The following OTUD7A variants were observed in gnomAD, a reference collection of about 807,000 sequenced individuals.
OTUD7A encodes OTU domain-containing protein 7A.
A neutral mutation model predicts 65.7 loss-of-function variants in OTUD7A; 12 were observed. The observed-to-expected ratio is 0.18, with a 90% CI of 0.12 to 0.30. The LOEUF (loss-of-function observed/expected upper bound fraction) is 0.30. Among genes scored for constraint, OTUD7A ranks in the 10% least tolerant of loss-of-function variants. The probability of loss-of-function intolerance (pLI) is 1.00; values close to 1 mark genes in which losing one functional copy is unlikely to be tolerated. For missense variants in OTUD7A, 1,148 were observed against 1,304.8 expected (o/e 0.88, Z 1.85); for synonymous variants, 641 against 586.3 (o/e 1.09, Z -1.35).
intron 3 of OTUD7A, among the ~76,000 whole-genome samples, chr15:31,651,594 C>G (rs1055741349): frequency 2.0e-5 from 3 of 151,452 alleles, no homozygotes; most frequent in African/African-American, 7.3e-5. Flanking sequence ...CACACACACA[C>G]ACACACACAC....
At chr15:31,570,258 G>C in intron 3 of OTUD7A, 61 bp from the exon 4 acceptor site, 1 of 1,537,292 alleles carries the variant, frequency 6.5e-7, no homozygotes, top group Non-Finnish European at 8.9e-7. Flanking sequence ...TCTCATCATA[G>C]AGAAGAACTG....
rs185545632 is a variant in OTUD7A at position 31,670,767 on chromosome 15, G to A, written c.-99-13690C>T. On this transcript the variant is annotated intron_variant, in intron 1 of 12. Coordinates refer to ENST00000307050, the MANE Select transcript of OTUD7A (RefSeq NM_001382637.1). ...AGCACTTTGGGAGGCCGAAGCGGGCGGATCACGAGGTCAGGAGATCAAGAC... is the reference window on the plus strand; with the variant it reads ...AGCACTTTGGGAGGCCGAAGCGGGCAGATCACGAGGTCAGGAGATCAAGAC... Among the ~76,000 whole-genome samples the A allele has an allele frequency of 1.4e-3, 210 of 152,186 alleles. No homozygotes were observed. In the Middle Eastern group the frequency reaches 0.017, roughly 12 times the overall value.
At chr15:31,748,657 C>T (rs1894545633) in intron 1 of OTUD7A, among the ~76,000 whole-genome samples, 1 of 151,932 alleles carries the variant, frequency 6.6e-6, no homozygotes, top group Non-Finnish European at 1.5e-5. Context: ...CATTGAAAAC[C>T]ATTAGGCAGT....
intron 3 of OTUD7A, among the ~76,000 whole-genome samples, chr15:31,590,091 G>A (rs907201904): frequency 6.6e-6 from 1 of 152,160 alleles, no homozygotes; most frequent in Non-Finnish European, 1.5e-5. Context: ...ATTCTCACAA[G>A]AGTATAGTGG....
At chr15:31,842,906 C>A (rs1489743361) in intron 1 of OTUD7A, among the ~76,000 whole-genome samples, 1 of 152,114 alleles carries the variant, frequency 6.6e-6, no homozygotes, top group Non-Finnish European at 1.5e-5. Context: ...GTGTGACATG[C>A]ATCCTAATTA....
At chr15:31,760,936 G>A (rs557609221) in intron 1 of OTUD7A, among the ~76,000 whole-genome samples, 1 of 151,300 alleles carries the variant, frequency 6.6e-6, no homozygotes, top group Non-Finnish European at 1.5e-5. Context: ...TTGTTTTTTT[G>A]TTTTTTTAAC....
At chr15:31,755,498 G>A (rs1894786485) in intron 1 of OTUD7A, among the ~76,000 whole-genome samples, 1 of 152,234 alleles carries the variant, frequency 6.6e-6, no homozygotes, top group African/African-American at 2.4e-5. Flanking sequence ...GAGGTGGGTG[G>A]ATCACGAGGT....
At chr15:31,788,763 G>A (rs1337751227) in intron 1 of OTUD7A, among the ~76,000 whole-genome samples, 1 of 152,208 alleles carries the variant, frequency 6.6e-6, no homozygotes, top group Non-Finnish European at 1.5e-5. Context: ...CAGAGACATT[G>A]AGAAAGGTAC....
chr15:31,859,593 G>A (rs887355626), intron 1 of OTUD7A, among the ~76,000 whole-genome samples: 1 of 152,200 alleles, frequency 6.6e-6, no homozygotes, highest in African/African-American at 2.4e-5. Flanking sequence ...AAGAAGAGAA[G>A]AGGAACTCAT....
At chr15:31,802,395 G>C (rs1010492844) in intron 1 of OTUD7A, among the ~76,000 whole-genome samples, 2 of 152,110 alleles carry the variant, frequency 1.3e-5, no homozygotes, top group Non-Finnish European at 2.9e-5. Flanking sequence ...CAGCTGATTA[G>C]ATTGTGCCCA....
chr15:31,505,748 A>ATT (rs58989170), intron 8 of OTUD7A, among the ~76,000 whole-genome samples: 2 of 145,386 alleles, frequency 1.4e-5, no homozygotes, highest in African/African-American at 2.5e-5. Flanking sequence ...ATTGAAGTTA[A>ATT]TTTTTTTTTT....
chr15:31,508,569 G>A (rs1176959726), intron 8 of OTUD7A, among the ~76,000 whole-genome samples: 1 of 152,194 alleles, frequency 6.6e-6, no homozygotes, highest in African/African-American at 2.4e-5. Context: ...AGCCAGGATG[G>A]TCTTGATCTC....
intron 3 of OTUD7A, 70 bp from the exon 4 acceptor site, chr15:31,570,267 T>C (rs1411488068): frequency 4.0e-6 from 6 of 1,518,152 alleles, no homozygotes; most frequent in Non-Finnish European, 5.4e-6. Context: ...AGAGAAGAAC[T>C]GTGACAAGAA....
intron 1 of OTUD7A, among the ~76,000 whole-genome samples, chr15:31,847,645 A>AT (rs1269015976): frequency 6.6e-6 from 1 of 152,150 alleles, no homozygotes; most frequent in Non-Finnish European, 1.5e-5. Flanking sequence ...GAAAATCACT[A>AT]TTACCATGGA....
intron 8 of OTUD7A, among the ~76,000 whole-genome samples, chr15:31,511,196 ATG>A (rs1455086360): frequency 2.0e-4 from 1 of 5,078 alleles, no homozygotes; most frequent in Non-Finnish European, 2.9e-4. Context: ...TAACACACAT[ATG>A]TATATCTATA....
intron 1 of OTUD7A, among the ~76,000 whole-genome samples, chr15:31,682,448 AAGTT>A (rs1427891274): frequency 2.0e-5 from 3 of 152,026 alleles, no homozygotes. Context: ...AAAAAGAAAA[AAGTT>A]AGAGGACTCG....
At chr15:31,577,577 T>C (rs1303382209) in intron 3 of OTUD7A, among the ~76,000 whole-genome samples, 1 of 152,130 alleles carries the variant, frequency 6.6e-6, no homozygotes, top group Non-Finnish European at 1.5e-5. Flanking sequence ...CTCCCTAAAA[T>C]GTATAAAACA....
chr15:31,768,775 T>A (rs571065509), intron 1 of OTUD7A, among the ~76,000 whole-genome samples: 1 of 152,212 alleles, frequency 6.6e-6, no homozygotes, highest in Non-Finnish European at 1.5e-5. Context: ...GTAAGGTTTC[T>A]ACATTCCATA....
intron 1 of OTUD7A, among the ~76,000 whole-genome samples, chr15:31,725,075 C>T (rs1893846241): frequency 6.6e-6 from 1 of 152,148 alleles, no homozygotes; most frequent in African/African-American, 2.4e-5. Context: ...GCTCCAGACA[C>T]AAAATGAGCC....
Sources: gnomAD v4.1 joint callset for allele counts (sites outside exome capture counted in the v4.1 genomes callset) on GRCh38, gnomAD v4.1.1 for gene constraint, MANE v1.5 for transcripts, NCBI Gene and HGNC (gene_info 2026-07-23, HGNC 2026-07-21) for gene names.